The following EVC2 variants were observed in gnomAD, a reference collection of about 807,000 sequenced individuals.
EVC2 encodes limbin.
EVC2 carries 148 observed loss-of-function variants against 149.3 expected under a neutral mutation model. That is an observed-to-expected ratio of 0.99 (90% CI 0.87 to 1.14). The LOEUF (loss-of-function observed/expected upper bound fraction) is 1.14, where lower values mean the gene tolerates loss of function less well. EVC2 is among the 50% of genes most tolerant of loss of function. The pLI is 0.00. For missense variants in EVC2, 1,854 were observed against 1,627.3 expected (o/e 1.14, Z -2.40); for synonymous variants, 776 against 649.9 (o/e 1.19, Z -2.95).
At chr4:5,589,565 G>C (rs1487819182) in intron 16 of EVC2, among the ~76,000 whole-genome samples, 1 of 152,024 alleles carries the variant, frequency 6.6e-6, no homozygotes, top group Non-Finnish European at 1.5e-5. Context: ...TTACTCAAAG[G>C]GTCTACCCTA....
intron 1 of EVC2, among the ~76,000 whole-genome samples, chr4:5,701,003 G>A (rs1303006881): frequency 6.6e-6 from 1 of 152,240 alleles, no homozygotes; most frequent in Admixed American, 6.5e-5. Context: ...TCTGACACAG[G>A]TCTCAATGGA....
At chr4:5,558,055 T>C (rs112110910), downstream of EVC2, among the ~76,000 whole-genome samples, 5 of 152,188 alleles carry the variant, frequency 3.3e-5, no homozygotes, top group African/African-American at 7.2e-5. Flanking sequence ...TTTTCAGATA[T>C]TGACAAACTG....
Position 5,615,411 on chromosome 4 carries a change from G to C in EVC2, c.2829+11C>G, listed in dbSNP as rs201770360. On this transcript the variant is annotated intron_variant, in intron 16 of 21. Transcript: ENST00000344408. ...CAGAGAGAAACAGCTGGGTGAAGCA[G>C]ATGTACTGACCTTTTCCACCAGGTC... 6 of 1,614,078 alleles carry C rather than the reference G, an allele frequency of 3.7e-6. No individual in the cohort carries two copies. The East Asian group carries it at 1.3e-4, about 36-fold the overall frequency.
rs776604642 is a variant in EVC2 at position 5,694,542 on chromosome 4, G to A, written c.284-41C>T. The A allele has an allele frequency of 1.9e-6, 3 of 1,611,974 alleles. No homozygotes were observed. In the Admixed American group the frequency reaches 5.0e-5, roughly 27 times the overall value. On this transcript the variant is annotated intron_variant, in intron 2 of 21. Transcript: ENST00000344408. ...ACACCCGTTTTATATAATGCGGAAA[G>A]ACAGTAAGACATAGAACTTAACCTC...
chr4:5,648,537 T>C (rs1043363545), intron 9 of EVC2, among the ~76,000 whole-genome samples: 8 of 152,170 alleles, frequency 5.3e-5, no homozygotes, highest in Non-Finnish European at 1.2e-4. Context: ...ACCAGCACAA[T>C]GAGGACCACC....
At chr4:5,660,813 G>A (rs1023806954) in intron 9 of EVC2, among the ~76,000 whole-genome samples, 11 of 152,144 alleles carry the variant, frequency 7.2e-5, no homozygotes, top group Admixed American at 7.2e-4. Flanking sequence ...ATGTGCCTGA[G>A]CCTAAATAGT....
rs924609646 is a variant in EVC2 at position 5,569,658 on chromosome 4, G to C, written c.3361-1018C>G. Among the ~76,000 whole-genome samples the C allele has an allele frequency of 1.3e-5, 2 of 152,030 alleles. No individual in the cohort carries two copies. Among genetic ancestry groups the C allele is most frequent in the Non-Finnish European group, 2.9e-5 (2 of 68,012 alleles). On this transcript the variant is annotated intron_variant, in intron 19 of 21. Coordinates refer to ENST00000344408, the MANE Select transcript of EVC2 (RefSeq NM_147127.5). The surrounding 1 kb of genome is among the most constrained non-coding windows in gnomAD (Gnocchi z 4.8). The stretch of plus-strand genomic sequence containing the variant: ...GCCTGTGCAGGGGCAGGCAGGGGTG[G>C]GAGGGAACAAGTCCAGGTGCCGGAA...
At chr4:5,606,253 A>T (rs1456867639) in intron 16 of EVC2, among the ~76,000 whole-genome samples, 1 of 152,218 alleles carries the variant, frequency 6.6e-6, no homozygotes, top group Non-Finnish European at 1.5e-5. Flanking sequence ...GAAAACACCC[A>T]GCCTTTTTGA....
the EVC2 span, among the ~76,000 whole-genome samples, chr4:5,529,712 T>G: frequency 2.0e-4 from 31 of 152,322 alleles, no homozygotes; most frequent in East Asian, 4.6e-3. The surrounding 1 kb of genome is among the most constrained non-coding windows in gnomAD (Gnocchi z 4.5). Flanking sequence ...CCTATGTTTT[T>G]GAATAAAAAA....
At chr4:5,620,215 A>G (rs1218785155) in intron 14 of EVC2, among the ~76,000 whole-genome samples, 1 of 152,208 alleles carries the variant, frequency 6.6e-6, no homozygotes, top group East Asian at 1.9e-4. Flanking sequence ...TCCCTTGTGC[A>G]AGGCCTTTGC....
chr4:5,595,242 G>C lies in EVC2; in HGVS notation c.2830-10392C>G, dbSNP rs565680725. Among the ~76,000 whole-genome samples, 523 of 152,154 alleles carry C rather than the reference G, an allele frequency of 3.4e-3. 3 individuals carry two copies. Among genetic ancestry groups the C allele is most frequent in the Middle Eastern group, 6.8e-3 (2 of 294 alleles). ...ATGCCACAAAGATACTCCTCGAGAA[G>C]AGCAACTCCAAGACACATAATTGTC... On this transcript the variant is annotated intron_variant, in intron 16 of 21. Transcript: ENST00000344408.
chr4:5,551,774 T>C (rs1721744117), intron 21 of EVC2, among the ~76,000 whole-genome samples: 2 of 151,954 alleles, frequency 1.3e-5, no homozygotes, highest in African/African-American at 4.8e-5. Context: ...CGGTGGGAGG[T>C]AATTGAATCA....
chr4:5,636,641 G>A lies in EVC2; in HGVS notation c.1470+3873C>T, dbSNP rs1359961758. On this transcript the variant is annotated intron_variant, in intron 10 of 21. Coordinates refer to ENST00000344408, the MANE Select transcript of EVC2 (RefSeq NM_147127.5). The surrounding 1 kb of genome is among the most constrained non-coding windows in gnomAD (Gnocchi z 4.6). ...GAGACTTGAGAATTTGTGGATTTTG[G>A]TATCCATGGGGGTGGGATGGTGGGG... 6.6e-6 allele frequency among the ~76,000 whole-genome samples: 1 copy of A among 152,060 alleles called. No individual in the cohort carries two copies. The highest frequency in any genetic ancestry group is 1.5e-5 in the Non-Finnish European group (1 of 67,996).
chr4:5,573,425 G>T (rs1226398482), intron 19 of EVC2, among the ~76,000 whole-genome samples: 2 of 152,220 alleles, frequency 1.3e-5, no homozygotes, highest in Non-Finnish European at 2.9e-5. Context: ...TGCTGGCTTT[G>T]AAGATGAAGA....
intron 7 of EVC2, among the ~76,000 whole-genome samples, chr4:5,672,122 G>C (rs535825078): frequency 3.7e-4 from 56 of 152,298 alleles, no homozygotes; most frequent in African/African-American, 1.3e-3. Flanking sequence ...GCTGAGGCTG[G>C]GGAGCCTGGA....
intron 15 of EVC2, among the ~76,000 whole-genome samples, chr4:5,615,786 G>A (rs1322968284): frequency 6.6e-6 from 1 of 152,182 alleles, no homozygotes; most frequent in African/African-American, 2.4e-5. Context: ...GGAGCCTGCT[G>A]GGCAGAACCT....
At chr4:5,645,816 T>A (rs1295994824) in intron 9 of EVC2, among the ~76,000 whole-genome samples, 1 of 152,258 alleles carries the variant, frequency 6.6e-6, no homozygotes, top group Non-Finnish European at 1.5e-5. Flanking sequence ...GTTCTGTTTT[T>A]AGGTCTTTGA....
chr4:5,621,156 G>A (rs952001710), intron 14 of EVC2, among the ~76,000 whole-genome samples: 1 of 152,162 alleles, frequency 6.6e-6, no homozygotes, highest in African/African-American at 2.4e-5. Context: ...CTGGTAGCAA[G>A]GTCGGATCCT....
chr4:5,574,893 C>T lies in EVC2; in HGVS notation c.3273-121G>A, dbSNP rs796186845. On this transcript the variant is annotated intron_variant, in intron 18 of 21. Transcript: ENST00000344408. ...CAGCCATATGATTTTAAAAATATGT[C>T]CATAGAAAGAGATGGCCAGAAAGAC... is the stretch of plus-strand genomic sequence containing the variant. 1.2e-5 allele frequency: 12 copies of T among 1,043,318 alleles called. No individual in the cohort carries two copies. The African/African-American group carries it at 1.3e-4, about 11-fold the overall frequency. 64.6% of individuals were successfully genotyped at this position (1,043,318 alleles called of 1,614,324 possible).
Sources: gnomAD v4.1 joint callset for allele counts (sites outside exome capture counted in the v4.1 genomes callset) on GRCh38, gnomAD v4.1.1 for gene constraint, Gnocchi (gnomAD v3.1) non-coding constraint, MANE v1.5 for transcripts, NCBI Gene and HGNC (gene_info 2026-07-23, HGNC 2026-07-21) for gene names.